Variants in MARK2 observed in about 807,000 individuals in gnomAD.
The protein encoded by MARK2 is microtubule affinity regulating kinase 2, also known as serine/threonine-protein kinase MARK2.
MARK2 carries 16 observed loss-of-function variants against 89.8 expected under a neutral mutation model. That is an observed-to-expected ratio of 0.18 (90% CI 0.12 to 0.27). The LOEUF (loss-of-function observed/expected upper bound fraction) is 0.27. MARK2 is among the 10% of genes least tolerant of loss of function. The probability of loss-of-function intolerance (pLI) is 1.00; values close to 1 mark genes in which losing one functional copy is unlikely to be tolerated. For missense variants in MARK2, 621 were observed against 1,049.9 expected, an observed-to-expected ratio of 0.59 and a Z score of 5.65; for synonymous variants, 382 against 399.5, an observed-to-expected ratio of 0.96 and a Z score of 0.52.
chr11:63,839,764 C>T (rs773188680), intron 1 of MARK2, among the ~76,000 whole-genome samples: 3 of 123,328 alleles, frequency 2.4e-5, no homozygotes, highest in Non-Finnish European at 4.9e-5. Context: ...CCAAGCTGCA[C>T]ACTTGTCTTT....
At position 63,854,728 on chromosome 11, in the gene MARK2, G is replaced by A. The variant is rs576544457; in HGVS notation, c.54+15168G>A. ...TGGGTGCCTGTAATGTCAGCTACTC[G>A]GGAGGCTGAGGCAGGAGAATTGCAG... On this transcript the variant is annotated intron_variant, in intron 1 of 18. Coordinates refer to ENST00000402010, the MANE Select transcript of MARK2 (RefSeq NM_001039469.3). 3.9e-4 allele frequency among the ~76,000 whole-genome samples: 59 copies of A among 151,118 alleles called. 1 individual carries two copies. The highest frequency in any genetic ancestry group is 1.2e-3 in the Admixed American group (19 of 15,206).
At chr11:63,840,768 G>A (rs1377393307) in intron 1 of MARK2, among the ~76,000 whole-genome samples, 1 of 152,122 alleles carries the variant, frequency 6.6e-6, no homozygotes. Context: ...TATTGGCTAA[G>A]TCTCTGTAAT....
intron 1 of MARK2, chr11:63,869,151 G>T (rs949694631): frequency 2.4e-5 from 7 of 293,248 alleles, no homozygotes; most frequent in African/African-American, 1.5e-4. Flanking sequence ...GCTGTGTGGG[G>T]TGGTGGAAAT....
At chr11:63,890,416 C>G in intron 1 of MARK2, 1 of 450,598 alleles carries the variant, frequency 2.2e-6, no homozygotes, top group South Asian at 1.8e-5. Flanking sequence ...TGTTGCTTCT[C>G]TGGCTCCTGA....
Position 63,856,768 on chromosome 11 carries a change from G to T in MARK2, c.54+17208G>T, listed in dbSNP as rs1325506733. On this transcript the variant is annotated intron_variant, in intron 1 of 18. Transcript: ENST00000402010. ...TTTTTTCCATTTTTAAATTTTTCAT[G>T]TTTTTTTTTTTTTTTTTTTTTTTTT... Among the ~76,000 whole-genome samples the T allele has an allele frequency of 1.6e-3, 84 of 53,770 alleles. 1 individual carries two copies. Among genetic ancestry groups the T allele is most frequent in the African/African-American group, 4.5e-3 (61 of 13,640 alleles). 35.3% of individuals were successfully genotyped at this position (53,770 alleles called of 152,430 possible).
intron 1 of MARK2, among the ~76,000 whole-genome samples, chr11:63,878,306 C>T (rs1250483786): frequency 1.3e-5 from 2 of 151,628 alleles, no homozygotes; most frequent in Non-Finnish European, 2.9e-5. Context: ...GAACCTCTCT[C>T]CTACCCAGCC....
chr11:63,862,581 C>A (rs1937866727), intron 1 of MARK2, among the ~76,000 whole-genome samples: 1 of 150,930 alleles, frequency 6.6e-6, no homozygotes, highest in Non-Finnish European at 1.5e-5. Context: ...TTTCTGGGCT[C>A]ACCTCCCTAC....
intron 1 of MARK2, among the ~76,000 whole-genome samples, chr11:63,878,680 G>A (rs964098028): frequency 2.6e-5 from 4 of 151,954 alleles, no homozygotes; most frequent in Non-Finnish European, 2.9e-5. Flanking sequence ...AAGTCTTCTT[G>A]ATTCAAGCCC....
At position 63,910,774 on chromosome 11, in the gene MARK2, C is replaced by T. The variant is rs1438584741; in HGVS notation, c.*1537C>T. ...AAGGGGCCTTGCCAACCTCAGCCCT[C>T]CTGCCCCACACTCCTACTGCGGCTC... is the stretch of plus-strand genomic sequence containing the variant. On this transcript the variant is annotated 3_prime_UTR_variant, in exon 19 of 19. Coordinates refer to ENST00000402010, the MANE Select transcript of MARK2 (RefSeq NM_001039469.3). 1 of 152,132 alleles carries T rather than the reference C, an allele frequency of 6.6e-6. No individual in the cohort carries two copies. Among genetic ancestry groups the T allele is most frequent in the Non-Finnish European group, 1.5e-5 (1 of 68,068 alleles). The allele number at this position is 152,132 out of a possible 1,614,324, so 9.4% of individuals were successfully genotyped here. A position where few individuals can be genotyped will look rare whatever the true frequency, so the allele number is the denominator to read the frequency against.
rs1376435418 is a variant in MARK2 at position 63,900,008 on chromosome 11, G to A, written c.666G>A (p.Gln222=). The part of the protein sequence containing the change: ...SPPYAAPELF[Q]GKKYDGPEVD... ...CTTATGCTGCCCCAGAACTCTTCCA[G>A]GGCAAAAAATATGATGGACCCGAGG... The change falls in exon 8 of 19, where the codon CAG becomes CAA. Residue 222 remains glutamine, a synonymous_variant. Transcript: ENST00000402010. The surrounding 1 kb of genome is among the most constrained non-coding windows in gnomAD (Gnocchi z 4.7). 1.2e-6 allele frequency: 2 copies of A among 1,614,034 alleles called. No individual in the cohort carries two copies. The highest frequency in any genetic ancestry group is 1.7e-6 in the Non-Finnish European group (2 of 1,180,032).
chr11:63,885,806 C>A (rs1939360604), intron 1 of MARK2, among the ~76,000 whole-genome samples: 1 of 151,106 alleles, frequency 6.6e-6, no homozygotes. Context: ...TGCACTCCAG[C>A]CTGGGTGACA....
intron 1 of MARK2, among the ~76,000 whole-genome samples, chr11:63,845,055 C>G (rs898949058): frequency 1.3e-5 from 2 of 152,192 alleles, no homozygotes; most frequent in African/African-American, 2.4e-5. Context: ...TGGACTCCCC[C>G]CAGCAGCACT....
At chr11:63,881,580 A>C (rs1020440940) in intron 1 of MARK2, among the ~76,000 whole-genome samples, 1 of 152,108 alleles carries the variant, frequency 6.6e-6, no homozygotes, top group African/African-American at 2.4e-5. Flanking sequence ...CACTGAGGGT[A>C]TATGAAGGTG....
At chr11:63,884,676 A>T (rs528491567) in intron 1 of MARK2, among the ~76,000 whole-genome samples, 12 of 152,232 alleles carry the variant, frequency 7.9e-5, no homozygotes, top group African/African-American at 2.6e-4. Flanking sequence ...AGTCACAGTT[A>T]ATTTTGGGGG....
intron 1 of MARK2, among the ~76,000 whole-genome samples, chr11:63,843,364 C>G (rs537613165): frequency 7.1e-4 from 108 of 152,246 alleles, no homozygotes; most frequent in African/African-American, 2.4e-3. Context: ...GGGACCTGCC[C>G]CACCTCTGGG....
intron 1 of MARK2, among the ~76,000 whole-genome samples, chr11:63,858,415 A>G (rs1037263804): frequency 4.6e-5 from 7 of 151,832 alleles, no homozygotes; most frequent in African/African-American, 1.7e-4. Flanking sequence ...GCTGGAGTGC[A>G]ATGGCACGAT....
intron 1 of MARK2, among the ~76,000 whole-genome samples, chr11:63,860,902 G>C (rs1431353226): frequency 6.6e-6 from 1 of 151,792 alleles, no homozygotes; most frequent in East Asian, 1.9e-4. Context: ...CATTTGCTCA[G>C]AATCACATCT....
intron 1 of MARK2, among the ~76,000 whole-genome samples, chr11:63,853,125 G>A (rs901568976): frequency 1.3e-5 from 2 of 152,132 alleles, no homozygotes; most frequent in South Asian, 2.1e-4. Context: ...TTAGCCAGGC[G>A]CGGTGGCTCA....
At chr11:63,890,066 C>G (rs1318150260) in intron 1 of MARK2, among the ~76,000 whole-genome samples, 1 of 152,240 alleles carries the variant, frequency 6.6e-6, no homozygotes, top group Non-Finnish European at 1.5e-5. Context: ...GAGAAACTCT[C>G]TCTCCATATT....
Sources: gnomAD v4.1 joint callset for allele counts (sites outside exome capture counted in the v4.1 genomes callset) on GRCh38, gnomAD v4.1.1 for gene constraint, Gnocchi (gnomAD v3.1) non-coding constraint, MANE v1.5 for transcripts, NCBI Gene and HGNC (gene_info 2026-07-23, HGNC 2026-07-21) for gene names.